NRG3: variants seen among roughly 807,000 people sequenced by gnomAD.
The protein encoded by NRG3 is pro-neuregulin-3, membrane-bound isoform.
Under a neutral mutation model 66.9 loss-of-function variants are expected in NRG3, and 31 were observed. The ratio of observed to expected loss-of-function variants is 0.46; its 90% CI spans 0.35 to 0.63. NRG3 has a LOEUF of 0.63. NRG3 is among the 20% of genes least tolerant of loss of function. The pLI, the probability that NRG3 is intolerant of heterozygous loss-of-function variation, is 0.00. For synonymous variants in NRG3, 393 were observed against 359.4 expected (o/e 1.09, Z -1.06); for missense variants, 910 against 878.9 (o/e 1.04, Z -0.45).
chr10:82,939,747 G>A (rs10159556), intron 4 of NRG3, among the ~76,000 whole-genome samples: 1 of 151,658 alleles, frequency 6.6e-6, no homozygotes, highest in Non-Finnish European at 1.5e-5. Context: ...GAGATTACGG[G>A]TGTGAGCCAC....
At chr10:82,037,978 AG>A (rs2062865714) in intron 1 of NRG3, among the ~76,000 whole-genome samples, 2 of 53,226 alleles carry the variant, frequency 3.8e-5, no homozygotes, top group South Asian at 1.9e-3. Flanking sequence ...GGGAGGGGGG[AG>A]AGAGAGAGAG....
At chr10:82,159,493 C>T (rs886776133) in intron 1 of NRG3, among the ~76,000 whole-genome samples, 1 of 151,928 alleles carries the variant, frequency 6.6e-6, no homozygotes, top group South Asian at 2.1e-4. Flanking sequence ...GTTTCCTTCT[C>T]CAACATCTTC....
intron 2 of NRG3, among the ~76,000 whole-genome samples, chr10:82,733,305 A>T (rs2058007967): frequency 6.6e-6 from 1 of 152,264 alleles, no homozygotes; most frequent in Non-Finnish European, 1.5e-5. Flanking sequence ...ATTCCTAGGC[A>T]TAAAAATGAC....
At chr10:82,973,130 A>G (rs983783249) in intron 6 of NRG3, among the ~76,000 whole-genome samples, 2 of 152,158 alleles carry the variant, frequency 1.3e-5, no homozygotes, top group African/African-American at 4.8e-5. Flanking sequence ...TTGAGATGCC[A>G]TGTGATATTT....
intron 3 of NRG3, among the ~76,000 whole-genome samples, chr10:82,864,282 G>A (rs940115812): frequency 1.3e-5 from 2 of 152,024 alleles, no homozygotes; most frequent in African/African-American, 2.4e-5. Flanking sequence ...ATGCACTTAA[G>A]CATGGTTTTA....
chr10:82,918,099 A>C (rs548851777), intron 4 of NRG3, among the ~76,000 whole-genome samples: 13 of 151,774 alleles, frequency 8.6e-5, no homozygotes, highest in Non-Finnish European at 1.9e-4. Flanking sequence ...AGAAACTGAA[A>C]GTTGACATTT....
intron 2 of NRG3, among the ~76,000 whole-genome samples, chr10:82,597,067 G>A (rs4933840): frequency 1.1e-3 from 165 of 151,960 alleles, no homozygotes; most frequent in East Asian, 2.9e-3. Flanking sequence ...TACCATATGC[G>A]TTTTAACAAA....
intron 2 of NRG3, among the ~76,000 whole-genome samples, chr10:82,500,865 C>G (rs1844111431): frequency 6.6e-6 from 1 of 151,880 alleles, no homozygotes; most frequent in Non-Finnish European, 1.5e-5. Flanking sequence ...AACAATAAGC[C>G]TAGTAAAATG....
chr10:82,201,853 C>T (rs745669563), intron 1 of NRG3, among the ~76,000 whole-genome samples: 3 of 152,038 alleles, frequency 2.0e-5, no homozygotes, highest in Non-Finnish European at 2.9e-5. Context: ...TTCATTTCAT[C>T]GTTCATTTTG....
chr10:82,736,438 G>T (rs2058157304), intron 2 of NRG3, among the ~76,000 whole-genome samples: 1 of 152,218 alleles, frequency 6.6e-6, no homozygotes, highest in Admixed American at 6.5e-5. Flanking sequence ...GTGTCAATTA[G>T]CAGTGACTCG....
chr10:82,842,321 C>T (rs576789655), intron 3 of NRG3, among the ~76,000 whole-genome samples: 3 of 152,264 alleles, frequency 2.0e-5, no homozygotes, highest in Admixed American at 6.5e-5. Context: ...GTAGTGATGC[C>T]TCATACAGAA....
At chr10:82,389,188 C>G (rs1460462819) in intron 2 of NRG3, among the ~76,000 whole-genome samples, 2 of 152,166 alleles carry the variant, frequency 1.3e-5, no homozygotes, top group Non-Finnish European at 2.9e-5. Flanking sequence ...AATTAAGTGA[C>G]TTGCCACAGG....
chr10:82,663,295 T>C (rs2052510396), intron 2 of NRG3, among the ~76,000 whole-genome samples: 1 of 152,220 alleles, frequency 6.6e-6, no homozygotes, highest in Non-Finnish European at 1.5e-5. Flanking sequence ...TGAGGTTGTC[T>C]GAATTCATCT....
intron 1 of NRG3, among the ~76,000 whole-genome samples, chr10:82,308,145 C>G (rs1014861952): frequency 1.3e-5 from 2 of 152,144 alleles, no homozygotes; most frequent in African/African-American, 4.8e-5. Flanking sequence ...GGCCCCTTAT[C>G]TTCAAGAAGG....
At chr10:82,295,013 C>T (rs912111426) in intron 1 of NRG3, among the ~76,000 whole-genome samples, 1 of 151,774 alleles carries the variant, frequency 6.6e-6, no homozygotes, top group Non-Finnish European at 1.5e-5. Flanking sequence ...TCAAGGAGCC[C>T]GGAAAATTTA....
chr10:81,932,138 G>A (rs1044727308), intron 1 of NRG3, among the ~76,000 whole-genome samples: 1 of 151,744 alleles, frequency 6.6e-6, no homozygotes. Flanking sequence ...GAGCAAACAC[G>A]TCAGATGGTG....
At chr10:82,544,158 G>C (rs1336886367) in intron 2 of NRG3, among the ~76,000 whole-genome samples, 1 of 152,172 alleles carries the variant, frequency 6.6e-6, no homozygotes, top group Non-Finnish European at 1.5e-5. Flanking sequence ...TGAGTTAAAA[G>C]TGATTTGCAC....
intron 3 of NRG3, among the ~76,000 whole-genome samples, chr10:82,768,484 C>T (rs555003417): frequency 3.7e-4 from 56 of 152,192 alleles, no homozygotes; most frequent in African/African-American, 1.3e-3. Context: ...AAAATAGATG[C>T]ATGTGGTTAA....
intron 1 of NRG3, among the ~76,000 whole-genome samples, chr10:82,033,351 T>C (rs2062656662): frequency 1.3e-5 from 2 of 152,154 alleles, no homozygotes; most frequent in African/African-American, 4.8e-5. Flanking sequence ...TCCCTCTTTA[T>C]TGGATAACTA....
Sources: allele counts gnomAD v4.1 joint callset (sites outside exome capture counted in the v4.1 genomes callset), GRCh38; gene constraint gnomAD v4.1.1; transcripts MANE v1.5; gene names NCBI Gene and HGNC (gene_info 2026-07-23, HGNC 2026-07-21).